SUPT3H: variants seen among roughly 807,000 people sequenced by gnomAD.
SUPT3H encodes transcription initiation protein SPT3 homolog.
Under a neutral mutation model 44.3 loss-of-function variants are expected in SUPT3H, and 44 were observed. That is an observed-to-expected ratio of 0.99 (90% CI 0.78 to 1.28). The LOEUF is 1.28. SUPT3H is among the 50% of genes most tolerant of loss of function. The pLI is 0.00. For missense variants in SUPT3H, 380 were observed against 387.1 expected, an observed-to-expected ratio of 0.98 and a Z score of 0.15; for synonymous variants, 124 against 125.6, an observed-to-expected ratio of 0.99 and a Z score of 0.09.
At chr6:45,322,929 A>G (rs905064875) in intron 2 of SUPT3H, 2 of 1,612,786 alleles carry the variant, frequency 1.2e-6, no homozygotes, top group Non-Finnish European at 1.7e-6. Context: ...GTCCATGGAG[A>G]AAAGCCACAG....
chr6:45,315,087 G>A (rs1247536277), intron 2 of SUPT3H, among the ~76,000 whole-genome samples: 1 of 152,156 alleles, frequency 6.6e-6, no homozygotes, highest in African/African-American at 2.4e-5. Flanking sequence ...CTAGCCACAT[G>A]TAGGAGAATG....
At position 45,375,276 on chromosome 6, in the gene SUPT3H, A is replaced by G. The variant is rs530838430; in HGVS notation, c.-1+2492T>C. ...CCTAAAACTATATATTACAAGTCCC[A>G]ACAAGGCTAACAGTAGGGTGACATT... On this transcript the variant is annotated intron_variant, in intron 1 of 10. Transcript: ENST00000371459. Among the ~76,000 whole-genome samples the G allele has an allele frequency of 3.9e-5, 6 of 152,340 alleles. No individual in the cohort carries two copies. In the South Asian group the frequency reaches 1.2e-3, roughly 32 times the overall value.
intron 3 of SUPT3H, among the ~76,000 whole-genome samples, chr6:45,091,920 G>A (rs1312701409): frequency 2.0e-5 from 3 of 151,488 alleles, no homozygotes; most frequent in Non-Finnish European, 4.4e-5. Flanking sequence ...TATTTTATAT[G>A]GTTACAAATA....
chr6:45,015,607 T>C (rs1363859675), intron 4 of SUPT3H, among the ~76,000 whole-genome samples: 1 of 152,150 alleles, frequency 6.6e-6, no homozygotes, highest in Non-Finnish European at 1.5e-5. Flanking sequence ...GTAACTATTT[T>C]ACTTTATAGA....
chr6:45,242,199 A>G (rs1009270055), intron 2 of SUPT3H, among the ~76,000 whole-genome samples: 2 of 152,198 alleles, frequency 1.3e-5, no homozygotes, highest in Admixed American at 6.5e-5. Flanking sequence ...CAAAATAAAG[A>G]ACACCCTATG....
chr6:45,365,356 C>T, intron 1 of SUPT3H, 55 bp from the exon 2 acceptor site: 1 of 955,102 alleles, frequency 1.0e-6, no homozygotes, highest in African/African-American at 1.8e-5. Context: ...TAAGTAAATG[C>T]AAAAAAAAAA....
chr6:44,884,284 G>A (rs991834779), intron 10 of SUPT3H, among the ~76,000 whole-genome samples: 11 of 152,170 alleles, frequency 7.2e-5, no homozygotes, highest in African/African-American at 1.7e-4. Context: ...TTAGAGAAAT[G>A]CAAATCAAAC....
chr6:44,864,785 T>C (rs1775226531), intron 10 of SUPT3H, among the ~76,000 whole-genome samples: 1 of 152,194 alleles, frequency 6.6e-6, no homozygotes, highest in Non-Finnish European at 1.5e-5. Flanking sequence ...CTCCGGGCCA[T>C]GATGGGAAGG....
intron 2 of SUPT3H, among the ~76,000 whole-genome samples, chr6:45,324,960 A>G (rs774433949): frequency 2.0e-5 from 3 of 151,926 alleles, no homozygotes; most frequent in Non-Finnish European, 4.4e-5. Flanking sequence ...GAAACTATAC[A>G]TATTTTACTA....
intron 1 of SUPT3H, among the ~76,000 whole-genome samples, chr6:45,371,014 T>C (rs151060938): frequency 1.1e-3 from 175 of 152,322 alleles, no homozygotes; most frequent in African/African-American, 4.0e-3. Context: ...ATAGCACACT[T>C]ACTTTTCCAA....
chr6:45,327,441 C>T (rs758649730), intron 2 of SUPT3H, among the ~76,000 whole-genome samples: 1 of 151,886 alleles, frequency 6.6e-6, no homozygotes, highest in Non-Finnish European at 1.5e-5. Context: ...GAATACACTT[C>T]AATGAAAGAC....
At chr6:45,060,346 G>A (rs539153775) in intron 3 of SUPT3H, among the ~76,000 whole-genome samples, 3 of 152,108 alleles carry the variant, frequency 2.0e-5, no homozygotes, top group Admixed American at 6.5e-5. Flanking sequence ...CAAGCAATGG[G>A]GAAAAGATTC....
intron 6 of SUPT3H, among the ~76,000 whole-genome samples, chr6:44,975,781 T>C (rs962425332): frequency 6.6e-6 from 1 of 151,972 alleles, no homozygotes; most frequent in Admixed American, 6.6e-5. Context: ...AATATAAACA[T>C]CAAATTACTT....
intron 2 of SUPT3H, among the ~76,000 whole-genome samples, chr6:45,268,597 A>G (rs1487540627): frequency 2.0e-5 from 3 of 152,190 alleles, no homozygotes; most frequent in Non-Finnish European, 4.4e-5. Flanking sequence ...TAGTATACCT[A>G]CTTGTAAAAA....
At chr6:45,334,175 T>C (rs911410652) in intron 2 of SUPT3H, among the ~76,000 whole-genome samples, 5 of 151,160 alleles carry the variant, frequency 3.3e-5, no homozygotes, top group Admixed American at 6.6e-5. Context: ...TATCTAAATA[T>C]CCTATGTAAG....
chr6:45,015,729 T>C (rs983560952), intron 4 of SUPT3H, among the ~76,000 whole-genome samples: 1 of 152,050 alleles, frequency 6.6e-6, no homozygotes, highest in South Asian at 2.1e-4. Context: ...ATAAACTTTT[T>C]TCTACTTTTA....
intron 2 of SUPT3H, among the ~76,000 whole-genome samples, chr6:45,199,406 C>A (rs1302408872): frequency 2.7e-5 from 4 of 150,728 alleles, no homozygotes; most frequent in African/African-American, 9.7e-5. Context: ...TTCTGCAGCA[C>A]CTTAAGTAAT....
chr6:45,206,227 T>C (rs1293110771), intron 2 of SUPT3H, among the ~76,000 whole-genome samples: 1 of 152,166 alleles, frequency 6.6e-6, no homozygotes, highest in Non-Finnish European at 1.5e-5. Flanking sequence ...GTAAATTAGA[T>C]ATTTACAGTG....
intron 7 of SUPT3H, among the ~76,000 whole-genome samples, chr6:44,958,973 T>C (rs977193839): frequency 6.7e-6 from 1 of 149,400 alleles, no homozygotes; most frequent in Non-Finnish European, 1.5e-5. Flanking sequence ...CCTCCCGGGT[T>C]CTAGTGACTC....
Sources: gnomAD v4.1 joint callset for allele counts (sites outside exome capture counted in the v4.1 genomes callset) on GRCh38, gnomAD v4.1.1 for gene constraint, MANE v1.5 for transcripts, NCBI Gene and HGNC (gene_info 2026-07-23, HGNC 2026-07-21) for gene names.